ATP5MC3: variants seen among roughly 807,000 people sequenced by gnomAD.
ATP5MC3 encodes ATP synthase F(0) complex subunit C3, mitochondrial.
In ATP5MC3, 6 loss-of-function variants were observed where a neutral mutation model predicts 15.6. The observed-to-expected ratio is 0.38, with a 90% confidence interval of 0.21 to 0.76. The LOEUF (loss-of-function observed/expected upper bound fraction) is 0.76. Ranked by LOEUF, ATP5MC3 falls within the 30% of genes least tolerant of loss-of-function variation. ATP5MC3 has a pLI of 0.44. For synonymous variants in ATP5MC3, 66 were observed against 63.3 expected, an observed-to-expected ratio of 1.04 and a Z score of -0.20; for missense variants, 132 against 171.2, an observed-to-expected ratio of 0.77 and a Z score of 1.28.
Position 175,178,077 on chromosome 2 carries a change from T to C in ATP5MC3, c.*211A>G. 2.2e-6 allele frequency: 2 copies of C among 901,198 alleles called. No individual in the cohort carries two copies. Among genetic ancestry groups the C allele is most frequent in the South Asian group, 4.7e-5 (2 of 42,752 alleles). 55.8% of individuals were successfully genotyped at this position (901,198 alleles called of 1,614,324 possible). On this transcript the variant is annotated 3_prime_UTR_variant, in exon 5 of 5. Coordinates refer to ENST00000284727, the MANE Select transcript of ATP5MC3 (RefSeq NM_001689.5). ...GTAGCTTCCTCTGAATGGGACAGCA[T>C]CTGCCTGAATGCACGTTCTTCTTTG...
Position 175,178,396 on chromosome 2 carries a change from AG to A in ATP5MC3, c.320del (p.Pro107LeufsTer3). ...ATGAGAACAGCTGCTGCTTCAGCGA[AG>A]GGTTTCTAAAAGAGACCACATATGA... The part of the protein sequence containing the change: ...GSLIIGYARN[P>X]SLKQQLFSYA... On this transcript the variant is annotated frameshift_variant, in exon 5 of 5. Coordinates refer to ENST00000284727, the MANE Select transcript of ATP5MC3 (RefSeq NM_001689.5). LOFTEE classifies it high-confidence loss of function. 2 of 1,606,182 alleles carry A rather than the reference AG, an allele frequency of 1.2e-6. No individual in the cohort carries two copies. The highest frequency in any genetic ancestry group is 1.7e-6 in the Non-Finnish European group (2 of 1,177,760).
chr2:175,178,432 T>C, intron 4 of ATP5MC3, 30 bp from the exon 5 acceptor site: 1 of 1,567,382 alleles, frequency 6.4e-7, no homozygotes, highest in Non-Finnish European at 8.6e-7. Context: ...ACTGTTACTT[T>C]GAAATATTAA....
At chr2:175,179,337 T>C in intron 3 of ATP5MC3, 87 bp from the exon 4 acceptor site, 1 of 1,438,134 alleles carries the variant, frequency 7.0e-7, no homozygotes, top group Non-Finnish European at 9.2e-7. Flanking sequence ...AAATGATAAC[T>C]ACTTTTTTAT....
At chr2:175,181,619 C>T (rs565838820) in intron 1 of ATP5MC3, 37 bp downstream of exon 1, 24 of 556,316 alleles carry the variant, frequency 4.3e-5, no homozygotes, top group Non-Finnish European at 6.9e-5. Flanking sequence ...CGCCGCTCCG[C>T]CCTGGCCAGG....
chr2:175,180,014 T>TA, intron 3 of ATP5MC3, 84 bp downstream of exon 3: 1 of 1,181,918 alleles, frequency 8.5e-7, no homozygotes, highest in South Asian at 1.5e-5. Flanking sequence ...AAACTCTTAT[T>TA]AATAAAGTTT....
At chr2:175,181,168 A>G (rs771058578) in intron 2 of ATP5MC3, among the ~76,000 whole-genome samples, 187 bp downstream of exon 2, 27 of 152,206 alleles carry the variant, frequency 1.8e-4, no homozygotes, top group Admixed American at 1.3e-4. Context: ...GCCTCGCCCT[A>G]GTGGCAAGGA....
chr2:175,180,089 T>A lies in ATP5MC3; in HGVS notation c.120+9A>T. The A allele has an allele frequency of 1.3e-6, 2 of 1,582,278 alleles. No individual in the cohort carries two copies. The highest frequency in any genetic ancestry group is 1.7e-6 in the Non-Finnish European group (2 of 1,168,954). ...AGTGTTACCTAATTTCAATTATTGC[T>A]ACTATTACCTCTCCAGTCCTACTAG... On this transcript the variant is annotated intron_variant, in intron 3 of 4. Coordinates refer to ENST00000284727, the MANE Select transcript of ATP5MC3 (RefSeq NM_001689.5).
rs2105413239 is a variant in ATP5MC3, at chr2:175,178,025, A to G, written c.*263T>C. The G allele has an allele frequency of 3.0e-6, 1 of 331,828 alleles. No individual in the cohort carries two copies. Among genetic ancestry groups the G allele is most frequent in the East Asian group, 7.1e-5 (1 of 14,132 alleles). 20.6% of individuals were successfully genotyped at this position (331,828 alleles called of 1,614,324 possible). A position where few individuals can be genotyped will look rare whatever the true frequency, so the allele number is the denominator to read the frequency against. ...GAATTCCCATAAAAATTACATTGGA[A>G]TATTTTTCATCAGTGGAGCAACTGC... is the stretch of plus-strand genomic sequence containing the variant. On this transcript the variant is annotated 3_prime_UTR_variant, in exon 5 of 5. Coordinates refer to ENST00000284727, the MANE Select transcript of ATP5MC3 (RefSeq NM_001689.5).
At chr2:175,180,269 A>C (rs1332470831) in intron 2 of ATP5MC3, 91 bp from the exon 3 acceptor site, 1 of 967,238 alleles carries the variant, frequency 1.0e-6, no homozygotes, top group Non-Finnish European at 1.4e-6. Flanking sequence ...ATTCTAAAAA[A>C]GCAAGCAGTA....
intron 4 of ATP5MC3, 29 bp from the exon 5 acceptor site, chr2:175,178,431 T>A (rs139853278): frequency 1.3e-6 from 2 of 1,568,146 alleles, no homozygotes; most frequent in Non-Finnish European, 1.7e-6. Flanking sequence ...GACTGTTACT[T>A]TGAAATATTA....
At position 175,181,693 on chromosome 2, in the gene ATP5MC3, G is replaced by C. The variant is rs1700779088; in HGVS notation, c.-111C>G. ...CGGCGGCGGCACGGGCTGCGGCAGA[G>C]GTCGAAGGAGTGGGACTCAATGCGC... On this transcript the variant is annotated 5_prime_UTR_variant, in exon 1 of 5. Coordinates refer to ENST00000284727, the MANE Select transcript of ATP5MC3 (RefSeq NM_001689.5). 1 of 428,004 alleles carries C rather than the reference G, an allele frequency of 2.3e-6. No individual in the cohort carries two copies. The highest frequency in any genetic ancestry group is 2.1e-5 in the African/African-American group (1 of 48,714). The allele number at this position is 428,004 out of a possible 1,614,324, so 26.5% of individuals were successfully genotyped here. A position where few individuals can be genotyped will look rare whatever the true frequency, so the allele number is the denominator to read the frequency against.
In ATP5MC3 at chr2:175,177,729, CAA is replaced by C. The variant is rs1276127765; in HGVS notation, c.*557_*558del. The C allele has an allele frequency of 6.6e-6, 1 of 152,098 alleles. No homozygotes were observed. The highest frequency in any genetic ancestry group is 2.4e-5 in the African/African-American group (1 of 41,422). The allele number at this position is 152,098 out of a possible 1,614,324, so 9.4% of individuals were successfully genotyped here. A position where few individuals can be genotyped will look rare whatever the true frequency, so the allele number is the denominator to read the frequency against. On this transcript the variant is annotated 3_prime_UTR_variant, in exon 5 of 5. Coordinates refer to ENST00000284727, the MANE Select transcript of ATP5MC3 (RefSeq NM_001689.5). ...GCTTAATGTGAGACTTACTGAAAAA[CAA>C]AAGTCACATTACCCCCTAGCTTAAG...
intron 4 of ATP5MC3, 73 bp from the exon 5 acceptor site, chr2:175,178,475 G>T (rs1208093217): frequency 6.6e-7 from 1 of 1,521,206 alleles, no homozygotes; most frequent in African/African-American, 1.4e-5. Context: ...TAAAGAATCA[G>T]ATTACTAGTG....
Position 175,181,456 on chromosome 2 carries a change from C to CCGCTTCCTCTCT in ATP5MC3, c.-73-2_-64dup. ...GTGACAGGCGACGTGGGCTCCTCTCCCGCTTCCTCTCTGCGGAGGAAAAGA... is the reference window on the plus strand; with the variant it reads ...GTGACAGGCGACGTGGGCTCCTCTCCCGCTTCCTCTCTCGCTTCCTCTCTGCGGAGGAAAAGA... On this transcript the variant is annotated 5_prime_UTR_variant, in exon 2 of 5. Coordinates refer to ENST00000284727, the MANE Select transcript of ATP5MC3 (RefSeq NM_001689.5). 6.3e-7 allele frequency: 1 copy of CCGCTTCCTCTCT among 1,598,490 alleles called. No individual in the cohort carries two copies.
At chr2:175,180,536 G>C (rs949273213) in intron 2 of ATP5MC3, among the ~76,000 whole-genome samples, 1 of 152,270 alleles carries the variant, frequency 6.6e-6, no homozygotes, top group South Asian at 2.1e-4. Flanking sequence ...TATATTAGGA[G>C]CGTCACAATA....
chr2:175,178,981 T>C lies in ATP5MC3; in HGVS notation c.314+76A>G, dbSNP rs924871978. 3.2e-6 allele frequency: 5 copies of C among 1,555,406 alleles called. No homozygotes were observed. In the African/African-American group the frequency reaches 4.1e-5, roughly 13 times the overall value. On this transcript the variant is annotated intron_variant, in intron 4 of 4. Coordinates refer to ENST00000284727, the MANE Select transcript of ATP5MC3 (RefSeq NM_001689.5). ...CACAGAGTAAGCACTTAATGCAAAG[T>C]AGCTATTATTTCAGTAGCTAAGTTT...
At chr2:175,180,770 C>T (rs1030882768) in intron 2 of ATP5MC3, among the ~76,000 whole-genome samples, 2 of 152,166 alleles carry the variant, frequency 1.3e-5, no homozygotes, top group Non-Finnish European at 2.9e-5. Flanking sequence ...AAAACCCTTC[C>T]GAACCAAAAC....
In ATP5MC3 at chr2:175,179,132, G is replaced by A. The variant is rs772855870; in HGVS notation, c.239C>T (p.Ala80Val). ...AGAACCAGCCACTCCTACTGTTGCA[G>A]CACCTGCACCAATAAATTTGGCAGC... ...DTAAKFIGAG[A>V]ATVGVAGSGA... The change falls in exon 4 of 5, where the codon GCT (alanine) becomes GTT (valine). Residue 80 changes from alanine to valine, a missense_variant. Coordinates refer to ENST00000284727, the MANE Select transcript of ATP5MC3 (RefSeq NM_001689.5). 1 of 1,614,198 alleles carries A rather than the reference G, an allele frequency of 6.2e-7. No homozygotes were observed. Among genetic ancestry groups the A allele is most frequent in the South Asian group, 1.1e-5 (1 of 91,090 alleles).
chr2:175,180,071 C>G (rs369817332), intron 3 of ATP5MC3, 27 bp downstream of exon 3: 8 of 1,541,374 alleles, frequency 5.2e-6, no homozygotes, highest in Non-Finnish European at 7.0e-6. Context: ...GGTAGTGTTA[C>G]CTAATTTCAA....
Sources: gnomAD v4.1 joint callset for allele counts (sites outside exome capture counted in the v4.1 genomes callset) on GRCh38, gnomAD v4.1.1 for gene constraint, MANE v1.5 for transcripts, NCBI Gene and HGNC (gene_info 2026-07-23, HGNC 2026-07-21) for gene names.